TCF7L2: variants seen among roughly 807,000 people sequenced by gnomAD.
TCF7L2 encodes the protein transcription factor 7 like 2, also known as transcription factor 7-like 2.
Under a neutral mutation model 77.9 loss-of-function variants are expected in TCF7L2, and 23 were observed. The observed-to-expected ratio is 0.30, with a 90% CI of 0.21 to 0.42. The LOEUF is 0.42. Among genes scored for constraint, TCF7L2 ranks in the 10% least tolerant of loss-of-function variants. TCF7L2 has a pLI of 1.00. For synonymous variants in TCF7L2, 413 were observed against 340.2 expected, an observed-to-expected ratio of 1.21 and a Z score of -2.36; for missense variants, 654 against 793.1, an observed-to-expected ratio of 0.82 and a Z score of 2.11.
intron 5 of TCF7L2, among the ~76,000 whole-genome samples, chr10:113,085,811 G>A (rs921194395): frequency 6.6e-6 from 1 of 152,210 alleles, no homozygotes; most frequent in Non-Finnish European, 1.5e-5. Flanking sequence ...CACCTCTTGA[G>A]GTCCTCTGTC....
intron 4 of TCF7L2, among the ~76,000 whole-genome samples, chr10:112,972,605 G>T (rs780075124): frequency 1.3e-5 from 2 of 152,190 alleles, no homozygotes; most frequent in South Asian, 4.1e-4. Flanking sequence ...TGAGTAGCTG[G>T]GACTACAGGT....
chr10:112,999,810 A>T (rs1000923999), intron 4 of TCF7L2, among the ~76,000 whole-genome samples: 2 of 152,230 alleles, frequency 1.3e-5, no homozygotes, highest in African/African-American at 4.8e-5. Context: ...GTCTATCAAT[A>T]CCCCTGTCTA....
At position 113,151,819 on chromosome 10, in the gene TCF7L2, G is replaced by T. The variant is rs2137153949; in HGVS notation, c.1096G>T (p.Ala366Ser). 2 of 1,613,790 alleles carry T rather than the reference G, an allele frequency of 1.2e-6. No individual in the cohort carries two copies. ...CATGTTGTATATGAAGGAAATGAGA[G>T]CAAAGGTCGTAGCTGAGTGCACGTT... is the stretch of plus-strand genomic sequence containing the variant. Residue 366 changes from alanine (A) to serine (S), a missense_variant, in exon 10 of 14, where the codon GCA (alanine) becomes TCA (serine). Physicochemically the swap from Ala to Ser is moderately conservative, Grantham distance 99 (BLOSUM62 1). This residue lies in a region of TCF7L2 where 31 missense variants were observed against 116.1 expected (regional missense o/e 0.27). Coordinates refer to ENST00000627217, the MANE Select transcript of TCF7L2 (RefSeq NM_001146274.2). The surrounding 1 kb of genome is among the most constrained non-coding windows in gnomAD (Gnocchi z 5.2).
rs559575851 is a variant in TCF7L2, at chr10:112,955,761, G to A, written c.381+4154G>A. On this transcript the variant is annotated intron_variant, in intron 3 of 13. Transcript: ENST00000627217. ...CTTAGCAAGCTGTGAAAAAGTTACC[G>A]GAAGGTTTCCAGGGGCTTGCAGATC... Among the ~76,000 whole-genome samples, 27 of 152,226 alleles carry A rather than the reference G, an allele frequency of 1.8e-4. No homozygotes were observed. In the South Asian group the frequency reaches 5.4e-3, roughly 30 times the overall value.
chr10:113,066,055 T>C (rs1469167409), intron 5 of TCF7L2, among the ~76,000 whole-genome samples: 4 of 152,178 alleles, frequency 2.6e-5, no homozygotes, highest in Non-Finnish European at 5.9e-5. Context: ...AATTCCAGTA[T>C]ACCATCAGTT....
intron 4 of TCF7L2, among the ~76,000 whole-genome samples, chr10:112,968,813 T>C (rs2037593862): frequency 6.6e-6 from 1 of 152,132 alleles, no homozygotes; most frequent in Admixed American, 6.6e-5. Flanking sequence ...TCTCCTGACC[T>C]CGTGATCCGG....
At chr10:113,127,244 T>G (rs1215832272) in intron 5 of TCF7L2, among the ~76,000 whole-genome samples, 1 of 17,476 alleles carries the variant, frequency 5.7e-5, no homozygotes, top group Non-Finnish European at 1.1e-4. Context: ...GGGTTTCGGG[T>G]TTTTTTTTTT....
At chr10:113,025,494 C>T (rs1049484777) in intron 4 of TCF7L2, among the ~76,000 whole-genome samples, 1 of 152,168 alleles carries the variant, frequency 6.6e-6, no homozygotes, top group Admixed American at 6.5e-5. Flanking sequence ...CCACCTTGGC[C>T]TCCCAGAGTG....
intron 4 of TCF7L2, among the ~76,000 whole-genome samples, chr10:113,010,913 G>A (rs1564780922): frequency 1.3e-5 from 2 of 152,198 alleles, no homozygotes; most frequent in African/African-American, 4.8e-5. Flanking sequence ...CTACTTGAGA[G>A]GCTGAGGTGG....
intron 13 of TCF7L2, chr10:113,161,697 G>A (rs1398986149): frequency 7.3e-7 from 1 of 1,368,060 alleles, no homozygotes; most frequent in African/African-American, 1.4e-5. Context: ...TGTGCTCCGT[G>A]TTTAGACGTT....
chr10:113,127,007 G>A lies in TCF7L2; in HGVS notation c.553-14177G>A, dbSNP rs567092308. The A allele has an allele frequency of 8.5e-4, 736 of 868,720 alleles. 2 individuals are homozygous for A. Among genetic ancestry groups the A allele is most frequent in the Non-Finnish European group, 6.5e-4 (466 of 721,780 alleles). 53.8% of individuals were successfully genotyped at this position (868,720 alleles called of 1,614,324 possible). On this transcript the variant is annotated intron_variant, in intron 5 of 13. Transcript: ENST00000627217. The stretch of plus-strand genomic sequence containing the variant: ...CATGCATGCTCTCAGCCTTTGCCAT[G>A]TTCGCTGTCACTTTGCGGTAACTTT...
At chr10:112,987,371 G>A (rs1331710729) in intron 4 of TCF7L2, 5 of 150,514 alleles carry the variant, frequency 3.3e-5, no homozygotes, top group African/African-American at 9.8e-5. Context: ...TGTATCTTTT[G>A]CTTTTTAAAT....
chr10:112,961,075 C>A lies in TCF7L2; in HGVS notation c.382-3481C>A, dbSNP rs371855330. Reference sequence around the variant, plus strand: ...TGTTGCCCAGGCTGGAGTGCAATGCCTAGATCTCGCTCACCGCAACCTCCC... The same window carrying A: ...TGTTGCCCAGGCTGGAGTGCAATGCATAGATCTCGCTCACCGCAACCTCCC... On this transcript the variant is annotated intron_variant, in intron 3 of 13. Coordinates refer to ENST00000627217, the MANE Select transcript of TCF7L2 (RefSeq NM_001146274.2). Among the ~76,000 whole-genome samples the A allele has an allele frequency of 1.9e-4, 29 of 150,800 alleles. No individual in the cohort carries two copies. In the South Asian group the frequency reaches 5.7e-3, roughly 30 times the overall value.
chr10:113,087,487 G>T (rs2059948732), intron 5 of TCF7L2, among the ~76,000 whole-genome samples: 2 of 152,192 alleles, frequency 1.3e-5, no homozygotes, highest in Admixed American at 1.3e-4. Context: ...GCTGTGGCTG[G>T]ACTGAATAGG....
At chr10:113,077,848 G>A (rs1466663251) in intron 5 of TCF7L2, among the ~76,000 whole-genome samples, 4 of 148,014 alleles carry the variant, frequency 2.7e-5, no homozygotes, top group African/African-American at 7.4e-5. Flanking sequence ...ATGCCACCAC[G>A]CCTGGCTTGC....
chr10:113,152,613 TC>T (rs35480189), intron 11 of TCF7L2, among the ~76,000 whole-genome samples, 173 bp downstream of exon 11: 1 of 152,172 alleles, frequency 6.6e-6, no homozygotes, highest in Non-Finnish European at 1.5e-5. Flanking sequence ...GGGAGGGGCT[TC>T]CCGTGTGGAT....
chr10:112,953,903 T>TA (rs1003406028), intron 3 of TCF7L2, among the ~76,000 whole-genome samples: 122 of 152,358 alleles, frequency 8.0e-4, no homozygotes, highest in Admixed American at 7.8e-3. Flanking sequence ...TTTTAGTACT[T>TA]ACATGTCAAA....
intron 4 of TCF7L2, among the ~76,000 whole-genome samples, chr10:112,989,545 T>C (rs2042155612): frequency 6.6e-6 from 1 of 152,112 alleles, no homozygotes; most frequent in Non-Finnish European, 1.5e-5. Context: ...TTCACTGACA[T>C]GCTCATGAGA....
At chr10:113,150,660 C>G (rs912658425) in intron 8 of TCF7L2, among the ~76,000 whole-genome samples, 21 of 152,180 alleles carry the variant, frequency 1.4e-4, no homozygotes, top group African/African-American at 4.8e-4. Flanking sequence ...TTAGATGCCA[C>G]TAATAATGCC....
Sources: gnomAD v4.1 joint callset for allele counts (sites outside exome capture counted in the v4.1 genomes callset) on GRCh38, gnomAD v4.1.1 for gene constraint, gnomAD v4.1.1 regional missense constraint, Gnocchi (gnomAD v3.1) non-coding constraint, MANE v1.5 for transcripts, NCBI Gene and HGNC (gene_info 2026-07-23, HGNC 2026-07-21) for gene names.